HACE1: variants seen among roughly 807,000 people sequenced by gnomAD.
HACE1 encodes HECT domain and ankyrin repeat containing E3 ubiquitin protein ligase 1, also known as E3 ubiquitin-protein ligase HACE1.
HACE1 carries 73 observed loss-of-function variants against 118.4 expected under a neutral mutation model. The ratio of observed to expected loss-of-function variants is 0.62; its 90% CI spans 0.51 to 0.75. The LOEUF is 0.75. Among genes scored for constraint, HACE1 ranks in the 30% least tolerant of loss-of-function variants. The pLI, the probability that HACE1 is intolerant of heterozygous loss-of-function variation, is 0.00. For missense variants in HACE1, 749 were observed against 1,102.2 expected, an observed-to-expected ratio of 0.68 and a Z score of 4.54; for synonymous variants, 368 against 374.8, an observed-to-expected ratio of 0.98 and a Z score of 0.21.
chr6:104,737,297 A>G lies in HACE1; in HGVS notation c.2513+6863T>C, dbSNP rs1000478661. On this transcript the variant is annotated intron_variant, in intron 22 of 23. Coordinates refer to ENST00000262903, the MANE Select transcript of HACE1 (RefSeq NM_020771.4). ...GACTCTCTCTCAAAAAAAAAAAAAA[A>G]AAAAAAAAAAGAAAATTTGGGGGAG... 4.7e-4 allele frequency among the ~76,000 whole-genome samples: 71 copies of G among 151,302 alleles called. 1 individual carries two copies. The South Asian group carries it at 5.8e-3, about 12-fold the overall frequency.
chr6:104,777,822 C>G (rs1426414760), intron 14 of HACE1, among the ~76,000 whole-genome samples: 1 of 152,162 alleles, frequency 6.6e-6, no homozygotes, highest in Non-Finnish European at 1.5e-5. Context: ...TGCAGTGGCA[C>G]GATCTCTGCT....
intron 6 of HACE1, among the ~76,000 whole-genome samples, chr6:104,813,837 CAA>C (rs1459473464): frequency 7.3e-6 from 1 of 137,082 alleles, no homozygotes; most frequent in Non-Finnish European, 1.6e-5. Context: ...CTCAGAATAA[CAA>C]AGACAGTAAA....
intron 5 of HACE1, among the ~76,000 whole-genome samples, chr6:104,834,946 T>C (rs1774378127): frequency 6.6e-6 from 1 of 152,196 alleles, no homozygotes; most frequent in South Asian, 2.1e-4. Flanking sequence ...GAAAACAGTC[T>C]CTAGATAAGA....
chr6:104,792,993 G>A (rs1483714839), intron 10 of HACE1, among the ~76,000 whole-genome samples: 1 of 152,108 alleles, frequency 6.6e-6, no homozygotes, highest in Non-Finnish European at 1.5e-5. Context: ...CTTTTGCCGG[G>A]CGTGGTGGCT....
At chr6:104,852,228 T>TGCGCGC (rs112776563) in intron 2 of HACE1, 89 bp downstream of exon 2, 27 of 661,246 alleles carry the variant, frequency 4.1e-5, no homozygotes, top group Middle Eastern at 2.7e-4. Context: ...TGTGTGTGTG[T>TGCGCGC]GCGCGCGTGC....
chr6:104,772,092 A>T lies in HACE1; in HGVS notation c.1865-18T>A. On this transcript the variant is annotated intron_variant, in intron 17 of 23. Transcript: ENST00000262903. ...AGTTGTTCCTATTGAAATAAATACA[A>T]AATAATATATTATTAAGAATCTATA... The T allele has an allele frequency of 3.8e-6, 5 of 1,326,904 alleles. No individual in the cohort carries two copies. The highest frequency in any genetic ancestry group is 5.4e-6 in the Non-Finnish European group (5 of 926,152). 82.2% of individuals were successfully genotyped at this position (1,326,904 alleles called of 1,614,324 possible).
At chr6:104,807,670 T>C (rs904537263) in intron 7 of HACE1, among the ~76,000 whole-genome samples, 5 of 152,040 alleles carry the variant, frequency 3.3e-5, no homozygotes, top group African/African-American at 1.2e-4. Flanking sequence ...AGAAGTCATA[T>C]AAAAGACTTA....
chr6:104,792,470 T>C (rs1280416436), intron 10 of HACE1, among the ~76,000 whole-genome samples: 1 of 152,232 alleles, frequency 6.6e-6, no homozygotes, highest in Non-Finnish European at 1.5e-5. Flanking sequence ...TCTAATAATA[T>C]ATCTTTAAAC....
At chr6:104,856,835 G>A (rs372734651) in intron 1 of HACE1, among the ~76,000 whole-genome samples, 8 of 152,098 alleles carry the variant, frequency 5.3e-5, no homozygotes, top group African/African-American at 1.7e-4. Context: ...GCCTGCCTAG[G>A]AGGACTCAAC....
chr6:104,816,892 C>T (rs1772177190), intron 6 of HACE1, among the ~76,000 whole-genome samples: 1 of 152,184 alleles, frequency 6.6e-6, no homozygotes, highest in South Asian at 2.1e-4. Context: ...GACACGGAGT[C>T]AACGGAAATT....
chr6:104,744,251 C>A, intron 21 of HACE1, 21 bp from the exon 22 acceptor site: 1 of 1,472,754 alleles, frequency 6.8e-7, no homozygotes, highest in Non-Finnish European at 9.5e-7. Context: ...GAACAAAAAA[C>A]TTAGCTCATA....
At chr6:104,819,713 T>G (rs560748071) in intron 6 of HACE1, among the ~76,000 whole-genome samples, 18 of 152,072 alleles carry the variant, frequency 1.2e-4, no homozygotes, top group African/African-American at 3.9e-4. Context: ...AAACAGAATC[T>G]AAAACCCACA....
chr6:104,747,894 C>G (rs1184204989), intron 20 of HACE1, among the ~76,000 whole-genome samples: 1 of 152,056 alleles, frequency 6.6e-6, no homozygotes, highest in Non-Finnish European at 1.5e-5. Flanking sequence ...TTAGTAAAGT[C>G]AGAGTCCAAG....
intron 3 of HACE1, 66 bp from the exon 4 acceptor site, chr6:104,849,312 T>C: frequency 1.0e-6 from 1 of 964,726 alleles, no homozygotes; most frequent in Non-Finnish European, 1.7e-6. Flanking sequence ...GTAGTTCAAT[T>C]AAAAAACAAA....
chr6:104,787,507 T>C (rs1471342177), intron 11 of HACE1: 2 of 152,176 alleles, frequency 1.3e-5, no homozygotes, highest in Non-Finnish European at 2.9e-5. Context: ...AGCAAAACTA[T>C]TTAGCTTTAT....
At chr6:104,751,955 C>CCAAA (rs575449029) in intron 19 of HACE1, among the ~76,000 whole-genome samples, 1 of 125,300 alleles carries the variant, frequency 8.0e-6, no homozygotes, top group African/African-American at 2.9e-5. Flanking sequence ...AAAAACCAAA[C>CCAAA]AAAAAAAAAA....
At chr6:104,758,163 G>T (rs982660429) in intron 19 of HACE1, among the ~76,000 whole-genome samples, 2 of 152,032 alleles carry the variant, frequency 1.3e-5, no homozygotes, top group African/African-American at 4.8e-5. Context: ...ACCTAGCAAG[G>T]GAGGCCAACA....
chr6:104,846,937 G>A (rs1196508690), intron 4 of HACE1, among the ~76,000 whole-genome samples: 3 of 152,090 alleles, frequency 2.0e-5, no homozygotes, highest in Non-Finnish European at 4.4e-5. Context: ...TTAAAGAGAG[G>A]GTCATGAATT....
At chr6:104,802,980 G>C (rs1770554207) in intron 7 of HACE1, among the ~76,000 whole-genome samples, 1 of 152,086 alleles carries the variant, frequency 6.6e-6, no homozygotes, top group Non-Finnish European at 1.5e-5. Flanking sequence ...GACTAATAAA[G>C]AAGAAGAGAG....
Sources: allele counts gnomAD v4.1 joint callset (sites outside exome capture counted in the v4.1 genomes callset), GRCh38; gene constraint gnomAD v4.1.1; transcripts MANE v1.5; gene names NCBI Gene and HGNC (gene_info 2026-07-23, HGNC 2026-07-21).